The following SNX1 variants were observed in gnomAD, a reference collection of about 807,000 sequenced individuals.
SNX1 encodes the protein sorting nexin-1.
A neutral mutation model predicts 71.8 loss-of-function variants in SNX1; 36 were observed. The ratio of observed to expected loss-of-function variants is 0.50; its 90% CI spans 0.38 to 0.66. The LOEUF (loss-of-function observed/expected upper bound fraction) is 0.66. Among genes scored for constraint, SNX1 ranks in the 30% least tolerant of loss-of-function variants. The pLI is 0.00. For synonymous variants in SNX1, 254 were observed against 240.7 expected, an observed-to-expected ratio of 1.06 and a Z score of -0.51; for missense variants, 612 against 646.7, an observed-to-expected ratio of 0.95 and a Z score of 0.58.
intron 6 of SNX1, among the ~76,000 whole-genome samples, chr15:64,126,468 G>T (rs1159961051): frequency 6.6e-6 from 1 of 152,194 alleles, no homozygotes; most frequent in African/African-American, 2.4e-5. Context: ...TGGTCTTCAG[G>T]AGTCTTACAT....
chr15:64,127,106 A>T (rs1284204686), intron 6 of SNX1, 68 bp from the exon 7 acceptor site: 17 of 307,418 alleles, frequency 5.5e-5, no homozygotes, highest in East Asian at 1.1e-4. Context: ...GTTGACACTT[A>T]AAAAAAAAAA....
chr15:64,124,646 A>G (rs1400596714), intron 5 of SNX1, among the ~76,000 whole-genome samples: 3 of 151,966 alleles, frequency 2.0e-5, no homozygotes, highest in Non-Finnish European at 4.4e-5. Context: ...TGTTGTGAAC[A>G]TTTTCTGCTG....
chr15:64,128,747 G>C (rs1358375424), intron 8 of SNX1, among the ~76,000 whole-genome samples: 1 of 152,100 alleles, frequency 6.6e-6, no homozygotes, highest in East Asian at 1.9e-4. Context: ...CCCCTAAGCA[G>C]GGTATGTCTG....
chr15:64,114,323 A>T (rs1422803126), intron 2 of SNX1, among the ~76,000 whole-genome samples: 1 of 152,234 alleles, frequency 6.6e-6, no homozygotes, highest in Admixed American at 6.5e-5. Flanking sequence ...GGAAATCAAC[A>T]AAATCTGATT....
At chr15:64,126,448 T>C (rs2081253874) in intron 6 of SNX1, among the ~76,000 whole-genome samples, 1 of 152,208 alleles carries the variant, frequency 6.6e-6, no homozygotes, top group South Asian at 2.1e-4. Flanking sequence ...GATGTTCGTT[T>C]GTTTTCTGTT....
chr15:64,119,492 G>C (rs1595990684), intron 4 of SNX1, among the ~76,000 whole-genome samples: 2 of 152,146 alleles, frequency 1.3e-5, no homozygotes, highest in South Asian at 4.1e-4. Flanking sequence ...CACTTTGGGA[G>C]GCCAAGGCAG....
At chr15:64,128,149 AC>A (rs1427707823) in intron 8 of SNX1, among the ~76,000 whole-genome samples, 1 of 152,230 alleles carries the variant, frequency 6.6e-6, no homozygotes, top group Non-Finnish European at 1.5e-5. Context: ...GTTAACAGTT[AC>A]CACAAACCAC....
At chr15:64,110,194 T>G (rs1156770889) in intron 1 of SNX1, among the ~76,000 whole-genome samples, 1 of 152,108 alleles carries the variant, frequency 6.6e-6, no homozygotes, top group Non-Finnish European at 1.5e-5. Context: ...TTTACATAGG[T>G]AGAAGATTAA....
rs569758791 is a variant in SNX1, at chr15:64,127,015, T to A, written c.653-159T>A. On this transcript the variant is annotated intron_variant, in intron 6 of 14. Coordinates refer to ENST00000559844, the MANE Select transcript of SNX1 (RefSeq NM_003099.5). ...GACTAGTTTTCAAAAGTGGCTCTCATGTAAAGAACCTTTTGTTCATCCCTG... is the reference window on the plus strand; with the variant it reads ...GACTAGTTTTCAAAAGTGGCTCTCAAGTAAAGAACCTTTTGTTCATCCCTG... Among the ~76,000 whole-genome samples the A allele has an allele frequency of 3.3e-5, 5 of 152,284 alleles. No individual in the cohort carries two copies. In the East Asian group the frequency reaches 9.6e-4, roughly 29 times the overall value.
chr15:64,109,896 G>A (rs8033688), intron 1 of SNX1, among the ~76,000 whole-genome samples: 11,438 of 152,208 alleles, frequency 0.075, 1,352 homozygotes, highest in African/African-American at 0.25. Context: ...ACACACTTCT[G>A]GGGGAATGTA....
rs1177115717 is a variant in SNX1, at chr15:64,096,120, C to G, written c.107C>G (p.Ala36Gly). The G allele has an allele frequency of 1.9e-6, 3 of 1,558,666 alleles. No homozygotes were observed. Among genetic ancestry groups the G allele is most frequent in the Non-Finnish European group, 2.6e-6 (3 of 1,152,374 alleles). Residue 36 changes from alanine (A) to glycine (G), a missense_variant, in exon 1 of 15, where the codon GCT becomes GGT. This residue lies in a region of SNX1 where 316 missense variants were observed against 284.9 expected (regional missense o/e 1.11). Transcript: ENST00000559844. ...GCGGCCGGGGGATCAGAACCCGAGG[C>G]TGGGGACAGCGACACCGAGGGGGAG... ...EGAAGGSEPE[A>G]GDSDTEGEDI...
chr15:64,096,194 T>C, intron 1 of SNX1, 22 bp downstream of exon 1: 2 of 1,544,870 alleles, frequency 1.3e-6, no homozygotes, highest in South Asian at 2.4e-5. Context: ...CCCCTCGGGG[T>C]AGCAGGCGGG....
rs1338370105 is a variant in SNX1, at chr15:64,142,657, A to C, written c.*5039A>C. On this transcript the variant is annotated 3_prime_UTR_variant, in exon 15 of 15. Coordinates refer to ENST00000559844, the MANE Select transcript of SNX1 (RefSeq NM_003099.5). ...ATGTCATATTTACCTATTTAAGCCA[A>C]GTTTTTTTAGATAAAAGGTATGGAA... 2.2e-6 allele frequency: 1 copy of C among 456,016 alleles called. No individual in the cohort carries two copies. The highest frequency in any genetic ancestry group is 4.4e-6 in the Non-Finnish European group (1 of 226,794). 28.2% of individuals were successfully genotyped at this position (456,016 alleles called of 1,614,324 possible).
chr15:64,127,606 C>T, intron 7 of SNX1, 125 bp from the exon 8 acceptor site: 2 of 684,322 alleles, frequency 2.9e-6, no homozygotes, highest in South Asian at 3.6e-5. Context: ...TACTTAAGTA[C>T]CTTATCTTAG....
chr15:64,103,420 G>A (rs2140131526), intron 1 of SNX1, among the ~76,000 whole-genome samples: 1 of 152,100 alleles, frequency 6.6e-6, no homozygotes, highest in East Asian at 1.9e-4. Flanking sequence ...GGTTTGGATT[G>A]CTATTATATA....
chr15:64,137,070 G>T (rs2081366930), intron 14 of SNX1, 138 bp downstream of exon 14: 1 of 644,112 alleles, frequency 1.6e-6, no homozygotes, highest in Non-Finnish European at 2.7e-6. Context: ...TTGAAAATAG[G>T]TCCTGCTGCT....
chr15:64,120,266 CTTTTTTT>C (rs35526278), intron 4 of SNX1, among the ~76,000 whole-genome samples: 4 of 67,100 alleles, frequency 6.0e-5, no homozygotes, highest in South Asian at 1.1e-3. Flanking sequence ...AAATGGTTGT[CTTTTTTT>C]TTTTTTTTTT....
intron 5 of SNX1, among the ~76,000 whole-genome samples, chr15:64,124,017 C>CT (rs1466837818): frequency 6.6e-6 from 1 of 151,706 alleles, no homozygotes; most frequent in African/African-American, 2.4e-5. Context: ...AAGCCCTAAA[C>CT]TTACCACTAG....
chr15:64,117,382 T>A (rs1322150033), intron 2 of SNX1, among the ~76,000 whole-genome samples: 1 of 152,046 alleles, frequency 6.6e-6, no homozygotes, highest in Non-Finnish European at 1.5e-5. Flanking sequence ...AACCTCCCAG[T>A]AGCTAGGACT....
Sources: allele counts gnomAD v4.1 joint callset (sites outside exome capture counted in the v4.1 genomes callset), GRCh38; gene constraint gnomAD v4.1.1; regional missense constraint gnomAD v4.1.1; transcripts MANE v1.5; gene names NCBI Gene and HGNC (gene_info 2026-07-23, HGNC 2026-07-21).